Variants in PCDHA9 observed in about 807,000 individuals in gnomAD.
PCDHA9 encodes protocadherin alpha-9.
Under a neutral mutation model 62.0 loss-of-function variants are expected in PCDHA9, and 62 were observed. That is an observed-to-expected ratio of 1.00 (90% CI 0.81 to 1.23). The LOEUF (loss-of-function observed/expected upper bound fraction) is 1.23, where lower values mean the gene tolerates loss of function less well. Among genes scored for constraint, PCDHA9 ranks in the 50% most tolerant of loss-of-function variants. The pLI, the probability that PCDHA9 is intolerant of heterozygous loss-of-function variation, is 0.00. For synonymous variants in PCDHA9, 557 were observed against 567.6 expected, an observed-to-expected ratio of 0.98 and a Z score of 0.27; for missense variants, 1,205 against 1,249.8, an observed-to-expected ratio of 0.96 and a Z score of 0.54.
At chr5:140,955,669 G>C (rs1031483633) in intron 1 of PCDHA9, among the ~76,000 whole-genome samples, 2 of 152,094 alleles carry the variant, frequency 1.3e-5, no homozygotes, top group African/African-American at 4.8e-5. Flanking sequence ...TTTTAACATA[G>C]TTTTTTCGAA....
chr5:140,992,971 T>C (rs1186217726), intron 3 of PCDHA9, among the ~76,000 whole-genome samples: 17 of 152,166 alleles, frequency 1.1e-4, no homozygotes, highest in Admixed American at 1.1e-3. Flanking sequence ...CTGCTGACAA[T>C]GATTAGGCCA....
At chr5:140,857,952 C>G in intron 1 of PCDHA9, 1 of 1,597,470 alleles carries the variant, frequency 6.3e-7, no homozygotes, top group South Asian at 1.1e-5. Context: ...ACGACGCGCG[C>G]TCTGGATGAG....
intron 3 of PCDHA9, among the ~76,000 whole-genome samples, chr5:140,985,773 T>C (rs945442566): frequency 7.2e-6 from 1 of 138,872 alleles, no homozygotes; most frequent in South Asian, 2.4e-4. Context: ...ACAGTCTCGC[T>C]CTGTCGCCCA....
chr5:140,930,196 T>C (rs1554207641), intron 1 of PCDHA9: 1 of 152,226 alleles, frequency 6.6e-6, no homozygotes, highest in South Asian at 2.1e-4. Flanking sequence ...AATTTTTATG[T>C]CAGAAATATT....
intron 1 of PCDHA9, among the ~76,000 whole-genome samples, chr5:140,949,947 A>G (rs1554219242): frequency 6.6e-6 from 1 of 151,676 alleles, no homozygotes; most frequent in African/African-American, 2.4e-5. Flanking sequence ...TGCATTTTTT[A>G]GTGGTTGCTG....
At chr5:140,965,521 G>A (rs1554227745) in intron 1 of PCDHA9, among the ~76,000 whole-genome samples, 2 of 150,836 alleles carry the variant, frequency 1.3e-5, no homozygotes, top group East Asian at 3.9e-4. Flanking sequence ...TAACTGCAAA[G>A]CATTAATGGA....
intron 1 of PCDHA9, among the ~76,000 whole-genome samples, chr5:140,941,255 CTCTT>C (rs1554214207): frequency 2.2e-4 from 10 of 44,514 alleles, no homozygotes; most frequent in East Asian, 7.5e-4. Flanking sequence ...TTCTTTCTTT[CTCTT>C]TCTTTCTTTC....
intron 1 of PCDHA9, chr5:140,928,465 G>A: frequency 6.2e-7 from 1 of 1,614,168 alleles, no homozygotes; most frequent in Non-Finnish European, 8.5e-7. Context: ...TCATTTCCAA[G>A]TAGAAGGCCG....
Position 141,001,288 on chromosome 5 carries a change from C to T in PCDHA9, c.2543-8339C>T, listed in dbSNP as rs147786395. 2.9e-3 allele frequency among the ~76,000 whole-genome samples: 438 copies of T among 152,218 alleles called. 7 individuals are homozygous for T. The East Asian group carries it at 0.044, about 15-fold the overall frequency. ...TATGAACTTTTTTTACGGATGAAAACTGAGGCCCAGAGATATGAAATAATT... is the reference window on the plus strand; with the variant it reads ...TATGAACTTTTTTTACGGATGAAAATTGAGGCCCAGAGATATGAAATAATT... On this transcript the variant is annotated intron_variant, in intron 3 of 3. Transcript: ENST00000532602.
chr5:140,858,664 A>C lies in PCDHA9; in HGVS notation c.2394+7775A>C, dbSNP rs972477672. ...TGGTACTTAAATTTTTTTAAATAAC[A>C]ATTTATTCTGAATACACTAATATTT... On this transcript the variant is annotated intron_variant, in intron 1 of 3. Transcript: ENST00000532602. 30 of 728,612 alleles carry C rather than the reference A, an allele frequency of 4.1e-5. No homozygotes were observed. In the African/African-American group the frequency reaches 4.8e-4, roughly 12 times the overall value. 45.1% of individuals were successfully genotyped at this position (728,612 alleles called of 1,614,324 possible).
At chr5:140,966,654 T>G (rs1048894569) in intron 1 of PCDHA9, 2 of 1,185,100 alleles carry the variant, frequency 1.7e-6, no homozygotes, top group Non-Finnish European at 2.2e-6. Flanking sequence ...GCGTGAGCGG[T>G]GGGGGAGCAG....
At chr5:140,989,802 G>C (rs2153885493) in intron 3 of PCDHA9, among the ~76,000 whole-genome samples, 2 of 152,336 alleles carry the variant, frequency 1.3e-5, no homozygotes, top group South Asian at 4.1e-4. Flanking sequence ...CCAGGAAAGG[G>C]CCATAAGATT....
intron 1 of PCDHA9, among the ~76,000 whole-genome samples, chr5:140,919,389 TG>T (rs2079114384): frequency 6.6e-6 from 1 of 152,242 alleles, no homozygotes; most frequent in African/African-American, 2.4e-5. Context: ...AGTTGGATGT[TG>T]TTTTCCTAAA....
At chr5:141,001,452 A>G (rs2098018922) in intron 3 of PCDHA9, among the ~76,000 whole-genome samples, 1 of 152,196 alleles carries the variant, frequency 6.6e-6, no homozygotes, top group Admixed American at 6.5e-5. Context: ...TCCACTGTCA[A>G]TTGAAGGACT....
At position 141,012,179 on chromosome 5, in the gene PCDHA9, T is replaced by C. The variant is rs2098423152; in HGVS notation, c.*2242T>C. ...GGGCTAATTTATTAATGATGATAAT[T>C]ATAATGTATCTGTACAGCACTTTTT... is the stretch of plus-strand genomic sequence containing the variant. On this transcript the variant is annotated 3_prime_UTR_variant, in exon 4 of 4. Coordinates refer to ENST00000532602, the MANE Select transcript of PCDHA9 (RefSeq NM_031857.2). 1 of 153,764 alleles carries C rather than the reference T, an allele frequency of 6.5e-6. No individual in the cohort carries two copies. Among genetic ancestry groups the C allele is most frequent in the South Asian group, 2.1e-4 (1 of 4,828 alleles). 9.5% of individuals were successfully genotyped at this position (153,764 alleles called of 1,614,324 possible). A position where few individuals can be genotyped will look rare whatever the true frequency, so the allele number is the denominator to read the frequency against.
chr5:140,877,760 G>T, intron 1 of PCDHA9: 1 of 1,614,194 alleles, frequency 6.2e-7, no homozygotes, highest in Non-Finnish European at 8.5e-7. Flanking sequence ...TCTGCAGAGA[G>T]CCCGCCCAAG....
chr5:141,008,437 C>T (rs1261106138), intron 3 of PCDHA9, among the ~76,000 whole-genome samples: 1 of 152,182 alleles, frequency 6.6e-6, no homozygotes. Context: ...TTTGCCCAGA[C>T]AGACCATTAC....
Position 140,859,254 on chromosome 5 carries a change from G to T in PCDHA9, c.2394+8365G>T, listed in dbSNP as rs1005222858. 2 of 131,816 alleles carry T rather than the reference G, an allele frequency of 1.5e-5. 1 individual carries two copies. The allele number at this position is 131,816 out of a possible 1,614,324, so 8.2% of individuals were successfully genotyped here. ...AGTCATGCTTATGTTTAATAATGAA[G>T]AGAATTTGAACACTTTTTACTTTTG... On this transcript the variant is annotated intron_variant, in intron 1 of 3. Transcript: ENST00000532602.
chr5:140,973,755 G>A (rs1442337323), intron 1 of PCDHA9, among the ~76,000 whole-genome samples: 1 of 152,234 alleles, frequency 6.6e-6, no homozygotes, highest in Admixed American at 6.5e-5. Flanking sequence ...ACTCTGCAGG[G>A]ACACAGCCTG....
Sources: allele counts gnomAD v4.1 joint callset (sites outside exome capture counted in the v4.1 genomes callset), GRCh38; gene constraint gnomAD v4.1.1; transcripts MANE v1.5; gene names NCBI Gene and HGNC (gene_info 2026-07-23, HGNC 2026-07-21).